The following TRIM3 variants were observed in gnomAD, a reference collection of about 807,000 sequenced individuals.
TRIM3 encodes the protein tripartite motif-containing protein 3.
TRIM3 carries 13 observed loss-of-function variants against 66.6 expected under a neutral mutation model. The ratio of observed to expected loss-of-function variants is 0.20; its 90% CI spans 0.13 to 0.31. TRIM3 has a LOEUF of 0.31. Among genes scored for constraint, TRIM3 ranks in the 10% least tolerant of loss-of-function variants. TRIM3 has a pLI of 1.00. For synonymous variants in TRIM3, 406 were observed against 411.7 expected (o/e 0.99, Z 0.17); for missense variants, 711 against 1,020.4 (o/e 0.70, Z 4.13).
In TRIM3 at chr11:6,450,302, T is replaced by C; in HGVS notation, c.1941+249A>G. 1.9e-6 allele frequency: 1 copy of C among 533,954 alleles called. No homozygotes were observed. Among genetic ancestry groups the C allele is most frequent in the African/African-American group, 1.9e-5 (1 of 52,876 alleles). The allele number at this position is 533,954 out of a possible 1,614,324, so 33.1% of individuals were successfully genotyped here. A position where few individuals can be genotyped will look rare whatever the true frequency, so the allele number is the denominator to read the frequency against. Reference sequence around the variant, plus strand: ...TCTATTACATCATATTGTAATTTTTTGGTTACCTTTTTCTCTTCCCTACTA... The same window carrying C: ...TCTATTACATCATATTGTAATTTTTCGGTTACCTTTTTCTCTTCCCTACTA... On this transcript the variant is annotated intron_variant, in intron 10 of 11. Transcript: ENST00000345851. The surrounding 1 kb of genome is among the most constrained non-coding windows in gnomAD (Gnocchi z 4.8).
Position 6,458,379 on chromosome 11 carries a change from C to T in TRIM3, c.132-83G>A, listed in dbSNP as rs1008781763. 5 of 1,138,478 alleles carry T rather than the reference C, an allele frequency of 4.4e-6. No homozygotes were observed. Among genetic ancestry groups the T allele is most frequent in the African/African-American group, 3.1e-5 (2 of 65,160 alleles). The allele number at this position is 1,138,478 out of a possible 1,614,324, so 70.5% of individuals were successfully genotyped here. On this transcript the variant is annotated intron_variant, in intron 2 of 11. Transcript: ENST00000345851. This position sits in a 1 kb window ranked among gnomAD's most constrained non-coding sequence, Gnocchi z 6.2. ...CCTTATACTTCCCATGGGTGCCAAC[C>T]CCTTCCCTCACAGGTGTGCCATTAC...
At chr11:6,464,682 T>G (rs1303913272) in intron 2 of TRIM3, among the ~76,000 whole-genome samples, 1 of 152,142 alleles carries the variant, frequency 6.6e-6, no homozygotes, top group African/African-American at 2.4e-5. Flanking sequence ...ATATGTAAAC[T>G]ATTGTGTATC....
rs1339853528 is a variant in TRIM3 at position 6,456,955 on chromosome 11, C to T, written c.771G>A (p.Gln257=). ...CCGGGGCCGAGCCCAGGCGCAGTGC[C>T]TGCTCTGCAAAGCTGCAGCTACTGC... ...HIGSSCSFAE[Q]ALRLGSAPEV... Residue 257 remains glutamine (Q), a synonymous_variant, in exon 6 of 12, where the codon CAG becomes CAA. Coordinates refer to ENST00000345851, the MANE Select transcript of TRIM3 (RefSeq NM_033278.4). The surrounding 1 kb of genome is among the most constrained non-coding windows in gnomAD (Gnocchi z 6.4). 6.2e-7 allele frequency: 1 copy of T among 1,609,482 alleles called. No homozygotes were observed. Among genetic ancestry groups the T allele is most frequent in the Non-Finnish European group, 8.5e-7 (1 of 1,179,468 alleles).
chr11:6,465,471 T>G (rs981872627), intron 2 of TRIM3, 94 bp downstream of exon 2: 44 of 1,505,040 alleles, frequency 2.9e-5, no homozygotes, highest in Middle Eastern at 1.7e-4. Flanking sequence ...CTACTACAGG[T>G]TTACACATGC....
intron 1 of TRIM3, among the ~76,000 whole-genome samples, chr11:6,468,892 G>T (rs1407080578): frequency 6.6e-6 from 1 of 152,214 alleles, no homozygotes; most frequent in Non-Finnish European, 1.5e-5. Context: ...ATGAATGCAG[G>T]AGCGAGTCTA....
intron 1 of TRIM3, among the ~76,000 whole-genome samples, chr11:6,472,419 C>T (rs1021985544): frequency 1.3e-5 from 2 of 151,554 alleles, no homozygotes; most frequent in African/African-American, 2.4e-5. Flanking sequence ...TGCCTCCCCT[C>T]CACACTCCCC....
chr11:6,461,866 T>A lies in TRIM3; in HGVS notation c.132-3570A>T, dbSNP rs560284095. On this transcript the variant is annotated intron_variant, in intron 2 of 11. Transcript: ENST00000345851. ...ACATTATTTCCCTGTATATATATAT[T>A]TTTAAAAACTCCAATGGTTTCCCAT... 4.6e-5 allele frequency among the ~76,000 whole-genome samples: 7 copies of A among 152,218 alleles called. 1 individual carries two copies. Among genetic ancestry groups the A allele is most frequent in the African/African-American group, 1.2e-4 (5 of 41,478 alleles).
At position 6,457,941 on chromosome 11, in the gene TRIM3, C is replaced by A; in HGVS notation, c.364-94G>T. The A allele has an allele frequency of 6.4e-7, 1 of 1,563,058 alleles. No homozygotes were observed. Among genetic ancestry groups the A allele is most frequent in the Non-Finnish European group, 8.7e-7 (1 of 1,149,124 alleles). On this transcript the variant is annotated intron_variant, in intron 3 of 11. Coordinates refer to ENST00000345851, the MANE Select transcript of TRIM3 (RefSeq NM_033278.4). The surrounding 1 kb of genome is among the most constrained non-coding windows in gnomAD (Gnocchi z 4.5). ...CTCCCTGCCCCTCACCTTCTAAGTG[C>A]ACCCCCTACCTGGACCACTAATCCA...
Position 6,450,144 on chromosome 11 carries a change from C to A in TRIM3, c.1941+407G>T. 1 of 178,864 alleles carries A rather than the reference C, an allele frequency of 5.6e-6. No individual in the cohort carries two copies. Among genetic ancestry groups the A allele is most frequent in the Non-Finnish European group, 1.2e-5 (1 of 85,056 alleles). 11.1% of individuals were successfully genotyped at this position (178,864 alleles called of 1,614,324 possible). A position where few individuals can be genotyped will look rare whatever the true frequency, so the allele number is the denominator to read the frequency against. ...TCTTGGCTCTTCCTGTGTCTTTTGT[C>A]TCAAACACTCTCGTCCTCCTCTGCC... is the stretch of plus-strand genomic sequence containing the variant. On this transcript the variant is annotated intron_variant, in intron 10 of 11. Coordinates refer to ENST00000345851, the MANE Select transcript of TRIM3 (RefSeq NM_033278.4). The surrounding 1 kb of genome is among the most constrained non-coding windows in gnomAD (Gnocchi z 4.8).
chr11:6,458,454 A>ATTG lies in TRIM3; in HGVS notation c.132-159_132-158insCAA. 1.6e-6 allele frequency: 1 copy of ATTG among 642,332 alleles called. No individual in the cohort carries two copies. Among genetic ancestry groups the ATTG allele is most frequent in the Non-Finnish European group, 2.7e-6 (1 of 367,660 alleles). The allele number at this position is 642,332 out of a possible 1,614,324, so 39.8% of individuals were successfully genotyped here. A position where few individuals can be genotyped will look rare whatever the true frequency, so the allele number is the denominator to read the frequency against. ...TGACACATCTCATCTGCCAGCAGGTATAATGGCCTTGCCCCTTACAACTGA... is the reference window on the plus strand; with the variant it reads ...TGACACATCTCATCTGCCAGCAGGTATTGTAATGGCCTTGCCCCTTACAACTGA... On this transcript the variant is annotated intron_variant, in intron 2 of 11. Transcript: ENST00000345851. The surrounding 1 kb of genome is among the most constrained non-coding windows in gnomAD (Gnocchi z 6.2).
chr11:6,465,782 A>C (rs924285298), intron 1 of TRIM3, 50 bp from the exon 2 acceptor site: 264 of 1,490,232 alleles, frequency 1.8e-4, no homozygotes, highest in East Asian at 1.0e-3. Context: ...TCTTCTCCCC[A>C]CCCAATCCCC....
Position 6,448,671 on chromosome 11 carries a change from G to T in TRIM3, c.*357C>A. The T allele has an allele frequency of 1.8e-6, 1 of 568,220 alleles. No individual in the cohort carries two copies. The highest frequency in any genetic ancestry group is 3.2e-6 in the Non-Finnish European group (1 of 317,216). 35.2% of individuals were successfully genotyped at this position (568,220 alleles called of 1,614,324 possible). A position where few individuals can be genotyped will look rare whatever the true frequency, so the allele number is the denominator to read the frequency against. On this transcript the variant is annotated 3_prime_UTR_variant, in exon 12 of 12. Transcript: ENST00000345851. ...GGGGTATTGCTGTCTCTGTCAGTGT[G>T]TATAGGGTGGTAGGGAGACAACTAG...
In TRIM3 at chr11:6,456,621, G is replaced by A. The variant is rs1368956155; in HGVS notation, c.1105C>T (p.Pro369Ser). ...SAELRAEITGPDGTRLPVPVV... is the reference protein window; with the variant it reads ...SAELRAEITGSDGTRLPVPVV... ...GGCACCGGAAGGCGCGTGCCGTCCG[G>A]GCCGGTGATCTCTGCACGCAGCTCA... The change falls in exon 6 of 12, where the codon CCG becomes TCG. Residue 369 changes from proline to serine, a missense_variant. Physicochemically the swap from Pro to Ser is moderately conservative, Grantham distance 74. This residue lies in a region of TRIM3 where 399 missense variants were observed against 458.1 expected (regional missense o/e 0.87). Coordinates refer to ENST00000345851, the MANE Select transcript of TRIM3 (RefSeq NM_033278.4). This position sits in a 1 kb window ranked among gnomAD's most constrained non-coding sequence, Gnocchi z 6.4. 1 of 1,612,652 alleles carries A rather than the reference G, an allele frequency of 6.2e-7. No individual in the cohort carries two copies. The highest frequency in any genetic ancestry group is 1.3e-5 in the African/African-American group (1 of 74,934).
Position 6,448,874 on chromosome 11 carries a change from TG to T in TRIM3, c.*153del. 1 of 875,862 alleles carries T rather than the reference TG, an allele frequency of 1.1e-6. No homozygotes were observed. Among genetic ancestry groups the T allele is most frequent in the Non-Finnish European group, 1.8e-6 (1 of 551,610 alleles). 54.3% of individuals were successfully genotyped at this position (875,862 alleles called of 1,614,324 possible). On this transcript the variant is annotated 3_prime_UTR_variant, in exon 12 of 12. Coordinates refer to ENST00000345851, the MANE Select transcript of TRIM3 (RefSeq NM_033278.4). ...GAACCGAATAAATAAAGTGCAACCG[TG>T]GGGGTGGGGGTAGGAGAGGGAGGGC...
At position 6,457,070 on chromosome 11, in the gene TRIM3, C is replaced by A. The variant is rs1246695499; in HGVS notation, c.697-41G>T. 1.9e-6 allele frequency: 3 copies of A among 1,557,830 alleles called. No homozygotes were observed. Among genetic ancestry groups the A allele is most frequent in the South Asian group, 2.4e-5 (2 of 84,872 alleles). ...GGAGGAGTGGGTGAGCAGACTGGCA[C>A]AGGGGGAGTCTCTGTGATTACTGAA... On this transcript the variant is annotated intron_variant, in intron 5 of 11. Coordinates refer to ENST00000345851, the MANE Select transcript of TRIM3 (RefSeq NM_033278.4). The surrounding 1 kb of genome is among the most constrained non-coding windows in gnomAD (Gnocchi z 4.5).
At position 6,456,761 on chromosome 11, in the gene TRIM3, G is replaced by T; in HGVS notation, c.965C>A (p.Ala322Glu). The T allele has an allele frequency of 1.2e-6, 2 of 1,611,778 alleles. No homozygotes were observed. Among genetic ancestry groups the T allele is most frequent in the Non-Finnish European group, 8.5e-7 (1 of 1,179,912 alleles). The change falls in exon 6 of 12, where the codon GCA becomes GAA. Residue 322 changes from alanine (A) to glutamate (E), a missense_variant. This residue lies in a region of TRIM3 where 399 missense variants were observed against 458.1 expected (regional missense o/e 0.87). Transcript: ENST00000345851. The surrounding 1 kb of genome is among the most constrained non-coding windows in gnomAD (Gnocchi z 6.4). The stretch of plus-strand genomic sequence containing the variant: ...CTCTCCCGTGGCCACCGTTTCGTGT[G>T]CAGTGGCGCTCGTGGTGAGCAGTGC... ...LGALLTTSAT[A>E]HETVATGEGL...
chr11:6,466,592 G>GTT (rs201616021), intron 1 of TRIM3, among the ~76,000 whole-genome samples: 17 of 116,250 alleles, frequency 1.5e-4, no homozygotes, highest in Admixed American at 1.1e-3. Flanking sequence ...ATTCCTGCTG[G>GTT]GTTTTTTTTT....
chr11:6,455,375 C>T (rs1391302957), intron 7 of TRIM3, among the ~76,000 whole-genome samples: 1 of 152,162 alleles, frequency 6.6e-6, no homozygotes, highest in Admixed American at 6.5e-5. Flanking sequence ...AACTGCTCTG[C>T]TGTGTCAACT....
At chr11:6,454,400 A>AAC (rs1234661806) in intron 7 of TRIM3, among the ~76,000 whole-genome samples, 2 of 151,392 alleles carry the variant, frequency 1.3e-5, no homozygotes, top group African/African-American at 2.4e-5. Flanking sequence ...AAAAAAAAAA[A>AAC]AAACTATGAG....
Sources: allele counts gnomAD v4.1 joint callset (sites outside exome capture counted in the v4.1 genomes callset), GRCh38; gene constraint gnomAD v4.1.1; regional missense constraint gnomAD v4.1.1; non-coding constraint Gnocchi (gnomAD v3.1); transcripts MANE v1.5; gene names NCBI Gene and HGNC (gene_info 2026-07-23, HGNC 2026-07-21).